Variants in CFAP299 observed in about 807,000 individuals in gnomAD.
CFAP299 encodes cilia- and flagella-associated protein 299.
In CFAP299, 21 loss-of-function variants were observed where a neutral mutation model predicts 27.0. That is an observed-to-expected ratio of 0.78 (90% confidence interval 0.55 to 1.12). CFAP299 has a LOEUF of 1.12. CFAP299 is among the 50% of genes most tolerant of loss of function. The pLI is 0.00. For missense variants in CFAP299, 310 were observed against 276.6 expected (o/e 1.12, Z -0.86); for synonymous variants, 104 against 98.1 (o/e 1.06, Z -0.36).
intron 2 of CFAP299, among the ~76,000 whole-genome samples, chr4:80,383,401 G>A (rs1724810763): frequency 6.6e-6 from 1 of 151,980 alleles, no homozygotes; most frequent in Non-Finnish European, 1.5e-5. Flanking sequence ...TGTCCACCCA[G>A]AACAACAAAA....
At chr4:80,345,494 A>G (rs531644627) in intron 1 of CFAP299, among the ~76,000 whole-genome samples, 4 of 131,234 alleles carry the variant, frequency 3.0e-5, no homozygotes, top group African/African-American at 1.2e-4. Flanking sequence ...CTCATTGTTC[A>G]GTTCCCTCCT....
In CFAP299 at chr4:80,401,030, C is replaced by T. The variant is rs144070025; in HGVS notation, c.242+38146C>T. Among the ~76,000 whole-genome samples the T allele has an allele frequency of 3.4e-4, 51 of 152,230 alleles. No homozygotes were observed. In the East Asian group the frequency reaches 9.8e-3, roughly 29 times the overall value. ...CCCTAGACATTTGTGGAACATTGGA[C>T]TTGAGAGAGATGATTTAGGGTATCT... On this transcript the variant is annotated intron_variant, in intron 2 of 5. Coordinates refer to ENST00000358105, the MANE Select transcript of CFAP299 (RefSeq NM_152770.3).
intron 3 of CFAP299, among the ~76,000 whole-genome samples, chr4:80,791,565 T>C (rs565711188): frequency 6.6e-6 from 1 of 152,194 alleles, no homozygotes; most frequent in African/African-American, 2.4e-5. Flanking sequence ...AAACTTTCCA[T>C]GCGTATTGAA....
At chr4:80,414,064 C>CTTTTTTT (rs1170153950) in intron 2 of CFAP299, among the ~76,000 whole-genome samples, 9 of 62,446 alleles carry the variant, frequency 1.4e-4, no homozygotes, top group Admixed American at 2.3e-4. Flanking sequence ...ATGGGTATTT[C>CTTTTTTT]TTTTTTTTTT....
intron 3 of CFAP299, among the ~76,000 whole-genome samples, chr4:80,605,482 T>C (rs1419479562): frequency 6.6e-6 from 1 of 152,194 alleles, no homozygotes; most frequent in East Asian, 1.9e-4. Context: ...CAAGAGGAAA[T>C]GGCATTACAA....
intron 2 of CFAP299, among the ~76,000 whole-genome samples, chr4:80,404,218 A>G (rs1433024714): frequency 6.6e-6 from 1 of 151,956 alleles, no homozygotes; most frequent in Non-Finnish European, 1.5e-5. Flanking sequence ...AATATATAAT[A>G]TTATCATATA....
chr4:80,748,968 C>T (rs1408802216), intron 3 of CFAP299, among the ~76,000 whole-genome samples: 2 of 152,138 alleles, frequency 1.3e-5, no homozygotes, highest in Non-Finnish European at 2.9e-5. Context: ...TACCATAATG[C>T]TCTCTATTTA....
chr4:80,869,641 G>GT lies in CFAP299; in HGVS notation c.334-351dup, dbSNP rs548629800. Among the ~76,000 whole-genome samples the GT allele has an allele frequency of 2.1e-3, 322 of 152,198 alleles. 2 individuals are homozygous for GT. The highest frequency in any genetic ancestry group is 7.4e-3 in the African/African-American group (307 of 41,526). On this transcript the variant is annotated intron_variant, in intron 3 of 5. Transcript: ENST00000358105. The stretch of plus-strand genomic sequence containing the variant: ...CGATTCCCCTGCCTCAGCCTCCCAA[G>GT]TAGCTGGGATTATAGGCGCCCTCCA...
chr4:80,780,774 T>C (rs1414324256), intron 3 of CFAP299, among the ~76,000 whole-genome samples: 1 of 151,788 alleles, frequency 6.6e-6, no homozygotes, highest in African/African-American at 2.4e-5. Context: ...TGTAATCCTG[T>C]GAGACATTAT....
chr4:80,452,838 T>C (rs1282915009), intron 2 of CFAP299, among the ~76,000 whole-genome samples: 1 of 152,226 alleles, frequency 6.6e-6, no homozygotes, highest in Admixed American at 6.5e-5. Context: ...TCTTCAGAGA[T>C]GTGAATTTAA....
At chr4:80,361,365 C>T (rs1350707763) in intron 1 of CFAP299, among the ~76,000 whole-genome samples, 1 of 152,082 alleles carries the variant, frequency 6.6e-6, no homozygotes, top group African/African-American at 2.4e-5. Context: ...CAGAAGAGTC[C>T]CACAACCTCA....
intron 2 of CFAP299, among the ~76,000 whole-genome samples, chr4:80,499,560 T>C (rs1440596288): frequency 6.6e-6 from 1 of 152,160 alleles, no homozygotes; most frequent in African/African-American, 2.4e-5. Flanking sequence ...CCTTTTTGTA[T>C]TTTGATTTAG....
At position 80,537,440 on chromosome 4, in the gene CFAP299, G is replaced by T. The variant is rs1403343378; in HGVS notation, c.243-45653G>T. ...GCCAAGCTGTGGAATCAACCTAAGT[G>T]TCCACCAGTGCATGAATAAATAAAG... On this transcript the variant is annotated intron_variant, in intron 2 of 5. Coordinates refer to ENST00000358105, the MANE Select transcript of CFAP299 (RefSeq NM_152770.3). Among the ~76,000 whole-genome samples the T allele has an allele frequency of 3.5e-4, 53 of 152,078 alleles. 1 individual carries two copies. The highest frequency in any genetic ancestry group is 1.5e-5 in the Non-Finnish European group (1 of 67,978).
intron 3 of CFAP299, among the ~76,000 whole-genome samples, chr4:80,641,314 C>A (rs1739715535): frequency 6.6e-6 from 1 of 152,094 alleles, no homozygotes; most frequent in Non-Finnish European, 1.5e-5. Flanking sequence ...AAGTGATTCT[C>A]CTGACTCAGC....
At chr4:80,623,996 T>C (rs947356750) in intron 3 of CFAP299, among the ~76,000 whole-genome samples, 5 of 152,112 alleles carry the variant, frequency 3.3e-5, no homozygotes, top group African/African-American at 1.2e-4. Context: ...CCCAATGCTG[T>C]GCCTATTGCA....
intron 2 of CFAP299, among the ~76,000 whole-genome samples, chr4:80,366,007 C>T (rs1220665151): frequency 6.6e-6 from 1 of 152,218 alleles, no homozygotes; most frequent in Non-Finnish European, 1.5e-5. Flanking sequence ...TGCAGATCTT[C>T]TCTGGTTGCC....
At chr4:80,609,652 C>A (rs1737862863) in intron 3 of CFAP299, among the ~76,000 whole-genome samples, 1 of 151,706 alleles carries the variant, frequency 6.6e-6, no homozygotes, top group African/African-American at 2.4e-5. Flanking sequence ...TTTTTCATGG[C>A]ACAATTAATG....
At chr4:80,423,983 C>T (rs370076025) in intron 2 of CFAP299, among the ~76,000 whole-genome samples, 28 of 152,270 alleles carry the variant, frequency 1.8e-4, no homozygotes, top group Admixed American at 4.6e-4. Flanking sequence ...GTGGTCCTTC[C>T]GGGTGGCCAT....
intron 3 of CFAP299, among the ~76,000 whole-genome samples, chr4:80,763,770 G>A (rs2110079367): frequency 6.6e-6 from 1 of 152,190 alleles, no homozygotes; most frequent in African/African-American, 2.4e-5. Flanking sequence ...ATAGACCAAT[G>A]AAACAGAACA....
Sources: allele counts gnomAD v4.1 joint callset (sites outside exome capture counted in the v4.1 genomes callset), GRCh38; gene constraint gnomAD v4.1.1; transcripts MANE v1.5; gene names NCBI Gene and HGNC (gene_info 2026-07-23, HGNC 2026-07-21).